Variants in FAS observed in about 807,000 individuals in gnomAD.
FAS encodes Fas cell surface death receptor.
In FAS, 5 loss-of-function variants were observed where a neutral mutation model predicts 33.2. The observed-to-expected ratio is 0.15, with a 90% CI of 0.08 to 0.32. The LOEUF is 0.32. FAS is among the 10% of genes least tolerant of loss of function. The pLI is 1.00. For missense variants in FAS, 339 were observed against 386.0 expected (o/e 0.88, Z 1.02); for synonymous variants, 131 against 130.7 (o/e 1.00, Z -0.01).
Position 88,990,884 on chromosome 10 carries a change from G to C in FAS, c.8G>C (p.Gly3Ala), listed in dbSNP as rs1223868338. Residue 3 changes from glycine (G) to alanine (A), a missense_variant, in exon 1 of 9, where the codon GGC becomes GCC. Physicochemically the swap from Gly to Ala is moderately conservative, Grantham distance 60 (BLOSUM62 0). This residue lies in a region of FAS where 276 missense variants were observed against 300.1 expected (regional missense o/e 0.92). Coordinates refer to ENST00000652046, the MANE Select transcript of FAS (RefSeq NM_000043.6). This position sits in a 1 kb window ranked among gnomAD's most constrained non-coding sequence, Gnocchi z 4.9. Reference protein sequence around the residue: MLGIWTLLPLVLT... With the variant: MLAIWTLLPLVLT... ...GAGGATTGCTCAACAACCATGCTGG[G>C]CATCTGGACCCTCCTACCTCTGGTG... 1.9e-6 allele frequency: 3 copies of C among 1,614,126 alleles called. No individual in the cohort carries two copies. The highest frequency in any genetic ancestry group is 2.5e-6 in the Non-Finnish European group (3 of 1,180,042).
At chr10:88,973,878 T>A (rs551196538) in intron 2 of FAS, 2 of 152,782 alleles carry the variant, frequency 1.3e-5, no homozygotes, top group Admixed American at 1.3e-4. Context: ...CTCAGCTCAC[T>A]GCAACCTCCA....
intron 2 of FAS, among the ~76,000 whole-genome samples, chr10:88,979,058 G>C (rs1426510476): frequency 6.6e-6 from 1 of 152,026 alleles, no homozygotes; most frequent in African/African-American, 2.4e-5. Context: ...AAAACTGAAA[G>C]CTCAGAAAAC....
chr10:88,978,430 A>G (rs1846627411), intron 2 of FAS, among the ~76,000 whole-genome samples: 1 of 152,224 alleles, frequency 6.6e-6, no homozygotes, highest in Admixed American at 6.5e-5. Flanking sequence ...AATAAAATTT[A>G]AGATAAGCTC....
intron 1 of FAS, chr10:88,992,272 A>T (rs1258554278): frequency 5.9e-5 from 9 of 152,212 alleles, no homozygotes; most frequent in Non-Finnish European, 1.2e-4. Flanking sequence ...TTCTTTAGAA[A>T]CTTCCTTGGA....
Position 89,003,024 on chromosome 10 carries a change from T to C in FAS, c.31-5T>C, listed in dbSNP as rs1434875337. 6.2e-7 allele frequency: 1 copy of C among 1,614,026 alleles called. No homozygotes were observed. Among genetic ancestry groups the C allele is most frequent in the Admixed American group, 1.7e-5 (1 of 60,014 alleles). ...TAAAATTCTCTTCATGCTTTTATTT[T>C]ACAGGTTCTTACGTCTGTTGCTAGA... On this transcript the variant is annotated splice_polypyrimidine_tract_variant and splice_region_variant and intron_variant, in intron 1 of 8. Coordinates refer to ENST00000652046, the MANE Select transcript of FAS (RefSeq NM_000043.6).
intron 1 of FAS, chr10:88,991,460 C>T: frequency 5.4e-6 from 1 of 184,628 alleles, no homozygotes; most frequent in South Asian, 1.2e-4. Flanking sequence ...TAAGTCAGCA[C>T]CGAAGCAGTG....
In FAS at chr10:88,992,755, C is replaced by T. The variant is rs555800740; in HGVS notation, c.30+1849C>T. ...TTGTTTACGTTTTGCAGTTTATCTTCCATTTCTCCCCTCTAATATGACTCT... is the reference window on the plus strand; with the variant it reads ...TTGTTTACGTTTTGCAGTTTATCTTTCATTTCTCCCCTCTAATATGACTCT... On this transcript the variant is annotated intron_variant, in intron 1 of 8. Transcript: ENST00000652046. Among the ~76,000 whole-genome samples, 11 of 152,244 alleles carry T rather than the reference C, an allele frequency of 7.2e-5. No homozygotes were observed. In the South Asian group the frequency reaches 2.3e-3, roughly 32 times the overall value.
Position 89,014,331 on chromosome 10 carries a change from G to C in FAS, c.889G>C (p.Asp297His), listed in dbSNP as rs1848682298. The C allele has an allele frequency of 6.2e-7, 1 of 1,613,748 alleles. No homozygotes were observed. The highest frequency in any genetic ancestry group is 1.3e-5 in the African/African-American group (1 of 74,894). ...KKEAYDTLIKDLKKANLCTLA... is the reference protein window; with the variant it reads ...KKEAYDTLIKHLKKANLCTLA... ...AGAAGCGTATGACACATTGATTAAA[G>C]ATCTCAAAAAAGCCAATCTTTGTAC... Residue 297 changes from aspartate to histidine, a missense_variant, in exon 9 of 9, where the codon GAT (aspartate) becomes CAT (histidine). By Grantham distance (81) the Asp-to-His change is moderately conservative. Transcript: ENST00000652046.
intron 2 of FAS, among the ~76,000 whole-genome samples, chr10:89,007,180 A>G (rs189651255): frequency 2.1e-4 from 32 of 152,350 alleles, no homozygotes; most frequent in Middle Eastern, 3.4e-3. Context: ...TAAAGATTTT[A>G]TAGCTGCTCA....
intron 2 of FAS, among the ~76,000 whole-genome samples, chr10:89,007,100 T>C (rs1324662599): frequency 6.6e-6 from 1 of 152,240 alleles, no homozygotes; most frequent in Non-Finnish European, 1.5e-5. Context: ...CTGACAGCAA[T>C]GCAAGAGAAA....
intron 2 of FAS, among the ~76,000 whole-genome samples, chr10:88,977,243 C>T (rs1351289123): frequency 6.6e-6 from 1 of 151,538 alleles, no homozygotes; most frequent in East Asian, 1.9e-4. Context: ...TTGCCCATGC[C>T]TATGTCCTGA....
chr10:88,988,744 T>C (rs1036157297), upstream of FAS, among the ~76,000 whole-genome samples: 5 of 152,218 alleles, frequency 3.3e-5, no homozygotes, highest in Non-Finnish European at 7.4e-5. Context: ...TAGGTGTTCA[T>C]TCAATAGATT....
intron 6 of FAS, among the ~76,000 whole-genome samples, chr10:89,011,196 T>C (rs1848512117): frequency 2.0e-5 from 3 of 152,246 alleles, no homozygotes; most frequent in Admixed American, 6.5e-5. Context: ...TAAAAACTTG[T>C]ACTTCACTGC....
At chr10:88,992,198 G>T (rs1847277018) in intron 1 of FAS, among the ~76,000 whole-genome samples, 1 of 151,972 alleles carries the variant, frequency 6.6e-6, no homozygotes, top group African/African-American at 2.4e-5. Flanking sequence ...GAGATGTCTG[G>T]GTCCATTTTA....
chr10:88,978,346 A>C (rs1393702757), intron 2 of FAS, among the ~76,000 whole-genome samples: 1 of 151,474 alleles, frequency 6.6e-6, no homozygotes, highest in African/African-American at 2.4e-5. Flanking sequence ...ACATGTATAC[A>C]TATGTAACTA....
chr10:88,990,861 G>A lies in FAS; in HGVS notation c.-16G>A, dbSNP rs1430682549. ...GTTGGGGAAGCTCTTTCACTTCGGA[G>A]GATTGCTCAACAACCATGCTGGGCA... On this transcript the variant is annotated 5_prime_UTR_variant, in exon 1 of 9. Transcript: ENST00000652046. This position sits in a 1 kb window ranked among gnomAD's most constrained non-coding sequence, Gnocchi z 4.9. 1 of 1,614,126 alleles carries A rather than the reference G, an allele frequency of 6.2e-7. No individual in the cohort carries two copies. The highest frequency in any genetic ancestry group is 8.5e-7 in the Non-Finnish European group (1 of 1,180,060).
chr10:89,002,316 C>G (rs1847972911), intron 1 of FAS, among the ~76,000 whole-genome samples: 1 of 152,228 alleles, frequency 6.6e-6, no homozygotes, highest in Non-Finnish European at 1.5e-5. Context: ...ATTTCTCGCA[C>G]TCTGTGTAAT....
At chr10:88,997,036 A>G (rs1427294485) in intron 1 of FAS, among the ~76,000 whole-genome samples, 1 of 152,204 alleles carries the variant, frequency 6.6e-6, no homozygotes, top group African/African-American at 2.4e-5. Flanking sequence ...TTATTTCTTC[A>G]TGAGAAGTCA....
upstream of FAS, chr10:88,990,712 T>A (rs1847119197): frequency 1.3e-6 from 1 of 785,182 alleles, no homozygotes. This position sits in a 1 kb window ranked among gnomAD's most constrained non-coding sequence, Gnocchi z 4.9. Flanking sequence ...GGAAGCGGTT[T>A]ACGAGTGACT....
Sources: gnomAD v4.1 joint callset for allele counts (sites outside exome capture counted in the v4.1 genomes callset) on GRCh38, gnomAD v4.1.1 for gene constraint, gnomAD v4.1.1 regional missense constraint, Gnocchi (gnomAD v3.1) non-coding constraint, MANE v1.5 for transcripts, NCBI Gene and HGNC (gene_info 2026-07-23, HGNC 2026-07-21) for gene names.